Variants in SNX29 observed in about 807,000 individuals in gnomAD.
The protein encoded by SNX29 is sorting nexin-29.
Under a neutral mutation model 102.1 loss-of-function variants are expected in SNX29, and 78 were observed. That is an observed-to-expected ratio of 0.76 (90% CI 0.64 to 0.92). The LOEUF (loss-of-function observed/expected upper bound fraction) is 0.92. Among genes scored for constraint, SNX29 ranks in the 40% least tolerant of loss-of-function variants. SNX29 has a pLI of 0.00. For synonymous variants in SNX29, 580 were observed against 414.5 expected, an observed-to-expected ratio of 1.40 and a Z score of -4.85; for missense variants, 1,280 against 1,061.7, an observed-to-expected ratio of 1.21 and a Z score of -2.86.
At chr16:12,416,185 G>A (rs1367132717) in intron 18 of SNX29, among the ~76,000 whole-genome samples, 1 of 152,118 alleles carries the variant, frequency 6.6e-6, no homozygotes, top group Non-Finnish European at 1.5e-5. Flanking sequence ...CTGCTCATGG[G>A]CCCTCCTCCT....
chr16:12,553,244 G>A lies in SNX29; in HGVS notation c.2319-15262G>A, dbSNP rs145144176. The stretch of plus-strand genomic sequence containing the variant: ...AGATGGGGACTTGAGAATACAGAGA[G>A]AGATTGTACAAGACCACTGCCGCCT... On this transcript the variant is annotated intron_variant, in intron 20 of 20. Transcript: ENST00000566228. Among the ~76,000 whole-genome samples the A allele has an allele frequency of 6.4e-4, 97 of 152,310 alleles. 1 individual carries two copies. Among genetic ancestry groups the A allele is most frequent in the African/African-American group, 2.2e-3 (92 of 41,566 alleles).
chr16:12,288,322 A>T (rs976786012), intron 15 of SNX29, among the ~76,000 whole-genome samples: 1 of 152,214 alleles, frequency 6.6e-6, no homozygotes. Context: ...CAATGACCCA[A>T]TGACTCAAAA....
chr16:12,263,722 C>G (rs2078846373), intron 14 of SNX29, among the ~76,000 whole-genome samples: 2 of 152,082 alleles, frequency 1.3e-5, no homozygotes. Context: ...GGATGGCATC[C>G]CTAGTGAGAG....
intron 14 of SNX29, among the ~76,000 whole-genome samples, chr16:12,262,024 G>T (rs1156539065): frequency 2.9e-5 from 4 of 140,340 alleles, no homozygotes. Context: ...TGCTGAGCTC[G>T]GGTCTGTGTG....
chr16:12,351,186 C>T (rs1245040262), intron 15 of SNX29, among the ~76,000 whole-genome samples: 1 of 149,244 alleles, frequency 6.7e-6, no homozygotes, highest in East Asian at 2.0e-4. Context: ...GCACCTAATG[C>T]CTATAAGAGG....
intron 15 of SNX29, among the ~76,000 whole-genome samples, chr16:12,342,775 C>T (rs2151263429): frequency 6.6e-6 from 1 of 152,304 alleles, no homozygotes; most frequent in African/African-American, 2.4e-5. Flanking sequence ...GGACAGAATC[C>T]TGGCCGTCCA....
chr16:12,202,677 C>T (rs572238606), intron 14 of SNX29, among the ~76,000 whole-genome samples: 14 of 152,288 alleles, frequency 9.2e-5, no homozygotes, highest in African/African-American at 3.4e-4. Flanking sequence ...TAGGAAATCA[C>T]TTAAAAGAGG....
In SNX29 at chr16:12,573,834, C is replaced by G. The variant is rs2079236662; in HGVS notation, c.*5205C>G. ...TAGAGCTAATTGGAATTTTTATTATCCAGGACTCATCCTAAGAAGAATGTT... is the reference window on the plus strand; with the variant it reads ...TAGAGCTAATTGGAATTTTTATTATGCAGGACTCATCCTAAGAAGAATGTT... On this transcript the variant is annotated 3_prime_UTR_variant, in exon 21 of 21. Transcript: ENST00000566228. 4.7e-6 allele frequency: 1 copy of G among 213,952 alleles called. No homozygotes were observed. The highest frequency in any genetic ancestry group is 9.4e-6 in the Non-Finnish European group (1 of 106,558). 13.3% of individuals were successfully genotyped at this position (213,952 alleles called of 1,614,324 possible).
chr16:12,086,470 G>GCACCA, intron 11 of SNX29, among the ~76,000 whole-genome samples: 1 of 152,146 alleles, frequency 6.6e-6, no homozygotes, highest in South Asian at 2.1e-4. Flanking sequence ...GAGTGCAGTG[G>GCACCA]TGCATTCCTG....
intron 14 of SNX29, among the ~76,000 whole-genome samples, chr16:12,223,490 TG>T (rs2077531285): frequency 1.3e-5 from 2 of 152,276 alleles, no homozygotes; most frequent in Admixed American, 1.3e-4. Context: ...GGTGAAACCC[TG>T]TCTCTACCAA....
intron 15 of SNX29, among the ~76,000 whole-genome samples, chr16:12,339,900 G>T (rs990873342): frequency 2.0e-5 from 3 of 152,190 alleles, no homozygotes; most frequent in African/African-American, 7.2e-5. Flanking sequence ...GTCAGTGGGG[G>T]CGTTTGGTCA....
At chr16:12,004,497 T>C (rs2056391284) in intron 3 of SNX29, among the ~76,000 whole-genome samples, 1 of 152,108 alleles carries the variant, frequency 6.6e-6, no homozygotes, top group Non-Finnish European at 1.5e-5. Flanking sequence ...TGCAAATGCG[T>C]TGTGAGCTCA....
At chr16:12,188,653 A>T (rs2076571265) in intron 13 of SNX29, among the ~76,000 whole-genome samples, 1 of 152,132 alleles carries the variant, frequency 6.6e-6, no homozygotes, top group African/African-American at 2.4e-5. Flanking sequence ...AGTGGGATTT[A>T]CCAGGTGGCT....
chr16:12,009,453 G>GTA, intron 3 of SNX29, among the ~76,000 whole-genome samples: 1 of 133,690 alleles, frequency 7.5e-6, no homozygotes, highest in South Asian at 2.2e-4. Context: ...ATGTGTGTGT[G>GTA]TATATATGTG....
chr16:12,472,544 C>CA (rs568390260), intron 18 of SNX29, among the ~76,000 whole-genome samples: 6,922 of 115,538 alleles, frequency 0.06, 246 homozygotes, highest in East Asian at 0.24. Flanking sequence ...AAAAAAAAAA[C>CA]AAAAAAAAAA....
At chr16:12,274,963 A>G (rs1042823448) in intron 14 of SNX29, among the ~76,000 whole-genome samples, 4 of 151,994 alleles carry the variant, frequency 2.6e-5, no homozygotes, top group African/African-American at 9.7e-5. Context: ...TATTACCCAC[A>G]GTTTGCTTTT....
At chr16:12,208,940 A>T (rs979836704) in intron 14 of SNX29, among the ~76,000 whole-genome samples, 1 of 151,544 alleles carries the variant, frequency 6.6e-6, no homozygotes, top group Admixed American at 6.6e-5. Flanking sequence ...AAATGTACTT[A>T]GCTTTGTTAG....
At chr16:12,060,698 A>T (rs750204377) in intron 8 of SNX29, 2 of 449,292 alleles carry the variant, frequency 4.5e-6, no homozygotes, top group Admixed American at 2.4e-5. Context: ...GGACGGCTAT[A>T]CTGCAAAAAT....
chr16:12,263,132 C>CT (rs541154463), intron 14 of SNX29, among the ~76,000 whole-genome samples: 6,837 of 138,312 alleles, frequency 0.049, 419 homozygotes, highest in African/African-American at 0.14. Flanking sequence ...TGTTGTCCAC[C>CT]TTTTTTTTTT....
Sources: gnomAD v4.1 joint callset for allele counts (sites outside exome capture counted in the v4.1 genomes callset) on GRCh38, gnomAD v4.1.1 for gene constraint, MANE v1.5 for transcripts, NCBI Gene and HGNC (gene_info 2026-07-23, HGNC 2026-07-21) for gene names.